Variants in OPCML observed in about 807,000 individuals in gnomAD.
The protein encoded by OPCML is opioid binding protein/cell adhesion molecule like, also known as opioid-binding protein/cell adhesion molecule.
OPCML carries 13 observed loss-of-function variants against 37.8 expected under a neutral mutation model. That is an observed-to-expected ratio of 0.34 (90% CI 0.22 to 0.55). The LOEUF (loss-of-function observed/expected upper bound fraction) is 0.55. Among genes scored for constraint, OPCML ranks in the 20% least tolerant of loss-of-function variants. OPCML has a pLI of 0.91. For missense variants in OPCML, 341 were observed against 435.6 expected, an observed-to-expected ratio of 0.78 and a Z score of 1.93; for synonymous variants, 176 against 168.8, an observed-to-expected ratio of 1.04 and a Z score of -0.33.
chr11:133,343,282 T>C (rs1457920313), intron 1 of OPCML, among the ~76,000 whole-genome samples: 1 of 152,204 alleles, frequency 6.6e-6, no homozygotes, highest in East Asian at 1.9e-4. Flanking sequence ...GTTCTTTGTG[T>C]TGCCCATCCT....
At chr11:132,463,079 T>C (rs2096108178) in intron 4 of OPCML, among the ~76,000 whole-genome samples, 1 of 152,230 alleles carries the variant, frequency 6.6e-6, no homozygotes, top group Admixed American at 6.5e-5. Flanking sequence ...GCCAGAACTT[T>C]GGAAGATTTG....
chr11:133,512,394 G>A (rs993283838), intron 1 of OPCML, among the ~76,000 whole-genome samples: 3 of 152,216 alleles, frequency 2.0e-5, no homozygotes, highest in Non-Finnish European at 4.4e-5. Flanking sequence ...ATGGAGTAAG[G>A]TATGGGGAAG....
At chr11:132,959,368 G>C (rs924253668) in intron 1 of OPCML, among the ~76,000 whole-genome samples, 2 of 152,242 alleles carry the variant, frequency 1.3e-5, no homozygotes, top group Admixed American at 6.5e-5. Flanking sequence ...TACCCTCGGT[G>C]AAGATGCTGT....
intron 1 of OPCML, among the ~76,000 whole-genome samples, chr11:133,140,206 A>ATAATAATAG (rs1565467016): frequency 7.1e-6 from 1 of 139,948 alleles, no homozygotes; most frequent in African/African-American, 2.7e-5. Context: ...AATAATAATA[A>ATAATAATAG]TAATAATAAT....
At chr11:133,012,961 T>G (rs1456153537) in intron 1 of OPCML, among the ~76,000 whole-genome samples, 1 of 152,118 alleles carries the variant, frequency 6.6e-6, no homozygotes, top group Non-Finnish European at 1.5e-5. Flanking sequence ...AGACTTTCAA[T>G]GGCTCCCTTC....
chr11:132,984,214 A>G (rs879506767), intron 1 of OPCML, among the ~76,000 whole-genome samples: 1 of 152,252 alleles, frequency 6.6e-6, no homozygotes, highest in South Asian at 2.1e-4. Flanking sequence ...CTGCTGAGAC[A>G]TAAGACAACT....
intron 1 of OPCML, among the ~76,000 whole-genome samples, chr11:133,413,643 G>A (rs1228427541): frequency 6.6e-6 from 1 of 152,152 alleles, no homozygotes; most frequent in African/African-American, 2.4e-5. Flanking sequence ...CGCTTCAGCT[G>A]ATAGAAAACT....
At chr11:133,175,495 A>AG (rs905130860) in intron 1 of OPCML, among the ~76,000 whole-genome samples, 1 of 151,620 alleles carries the variant, frequency 6.6e-6, no homozygotes, top group Non-Finnish European at 1.5e-5. Context: ...AAAAAAAAAA[A>AG]AAACAGAACT....
intron 1 of OPCML, among the ~76,000 whole-genome samples, chr11:133,377,562 G>A (rs2136770021): frequency 7.8e-6 from 1 of 129,026 alleles, no homozygotes; most frequent in East Asian, 2.6e-4. Flanking sequence ...CCTTCCCTTT[G>A]AACTCCCAGA....
intron 3 of OPCML, among the ~76,000 whole-genome samples, chr11:132,560,096 G>A (rs1336006482): frequency 6.6e-6 from 1 of 152,138 alleles, no homozygotes; most frequent in African/African-American, 2.4e-5. Context: ...CCTATTGTGG[G>A]AAATGTTAAA....
chr11:133,328,061 A>G (rs1423772953), intron 1 of OPCML, among the ~76,000 whole-genome samples: 1 of 152,218 alleles, frequency 6.6e-6, no homozygotes, highest in Admixed American at 6.5e-5. Flanking sequence ...AGACGGCTAA[A>G]AACTGAAAAC....
intron 3 of OPCML, among the ~76,000 whole-genome samples, chr11:132,621,701 A>G (rs185465167): frequency 8.5e-5 from 13 of 152,326 alleles, no homozygotes; most frequent in Non-Finnish European, 1.9e-4. Context: ...TGTACAGGTG[A>G]TTACACATAT....
chr11:132,628,088 G>T (rs567536971), intron 3 of OPCML, among the ~76,000 whole-genome samples: 1 of 152,120 alleles, frequency 6.6e-6, no homozygotes, highest in Non-Finnish European at 1.5e-5. Flanking sequence ...AGTGTTTAAA[G>T]ATTAGACTGC....
At chr11:133,036,638 T>C (rs985616774) in intron 1 of OPCML, among the ~76,000 whole-genome samples, 4 of 152,222 alleles carry the variant, frequency 2.6e-5, no homozygotes, top group African/African-American at 9.6e-5. Flanking sequence ...ATGTATTCTA[T>C]AGAGCATATG....
At chr11:133,119,004 T>A (rs1384065314) in intron 1 of OPCML, among the ~76,000 whole-genome samples, 1 of 152,254 alleles carries the variant, frequency 6.6e-6, no homozygotes, top group Admixed American at 6.5e-5. Flanking sequence ...TGTGTGAGGC[T>A]CTAAACAATT....
chr11:133,191,644 C>T (rs1271743851), intron 1 of OPCML, among the ~76,000 whole-genome samples: 1 of 152,004 alleles, frequency 6.6e-6, no homozygotes, highest in Non-Finnish European at 1.5e-5. Flanking sequence ...CAGGCACCCA[C>T]CACCATGTCC....
At chr11:132,543,069 A>G (rs1406421127) in intron 3 of OPCML, among the ~76,000 whole-genome samples, 1 of 151,460 alleles carries the variant, frequency 6.6e-6, no homozygotes. Context: ...GGAAGAGGGG[A>G]AAGGGTCTGA....
rs1282137593 is a variant in OPCML at position 133,458,624 on chromosome 11, C to T, written c.61+73640G>A. ...GTGTGTGTGTATACACATATATACA[C>T]GTGTGTGTGTATATACACATAGATG... On this transcript the variant is annotated intron_variant, in intron 1 of 7. Transcript: ENST00000524381. Among the ~76,000 whole-genome samples, 8 of 120,584 alleles carry T rather than the reference C, an allele frequency of 6.6e-5. No individual in the cohort carries two copies. The South Asian group carries it at 6.9e-4, about 10-fold the overall frequency. The allele number at this position is 120,584 out of a possible 152,430, so 79.1% of individuals were successfully genotyped here.
intron 2 of OPCML, among the ~76,000 whole-genome samples, chr11:132,912,127 T>C (rs554817603): frequency 2.0e-5 from 3 of 150,114 alleles, no homozygotes; most frequent in Admixed American, 1.3e-4. Context: ...TTCTGACATA[T>C]AAAAGAAATA....
Sources: allele counts gnomAD v4.1 joint callset (sites outside exome capture counted in the v4.1 genomes callset), GRCh38; gene constraint gnomAD v4.1.1; transcripts MANE v1.5; gene names NCBI Gene and HGNC (gene_info 2026-07-23, HGNC 2026-07-21).